Variants in CDH18 observed in about 807,000 individuals in gnomAD.
The protein encoded by CDH18 is cadherin-18.
Under a neutral mutation model 67.9 loss-of-function variants are expected in CDH18, and 31 were observed. The observed-to-expected ratio is 0.46, with a 90% CI of 0.34 to 0.62. CDH18 has a LOEUF of 0.62. Among genes scored for constraint, CDH18 ranks in the 20% least tolerant of loss-of-function variants. The pLI, the probability that CDH18 is intolerant of heterozygous loss-of-function variation, is 0.01. For synonymous variants in CDH18, 362 were observed against 347.2 expected (o/e 1.04, Z -0.48); for missense variants, 890 against 975.5 (o/e 0.91, Z 1.17).
intron 1 of CDH18, among the ~76,000 whole-genome samples, chr5:20,423,591 T>C (rs895174002): frequency 6.6e-6 from 1 of 150,838 alleles, no homozygotes; most frequent in African/African-American, 2.5e-5. Flanking sequence ...CGCAAAGAGA[T>C]GTGAAAAGAT....
At chr5:19,474,758 C>CATGT (rs1259876612) in intron 12 of CDH18, among the ~76,000 whole-genome samples, 1 of 152,060 alleles carries the variant, frequency 6.6e-6, no homozygotes, top group Non-Finnish European at 1.5e-5. Context: ...TCCAACTGGA[C>CATGT]ATGTGCCTTA....
intron 1 of CDH18, among the ~76,000 whole-genome samples, chr5:19,982,769 G>T (rs747297235): frequency 6.6e-6 from 1 of 152,070 alleles, no homozygotes; most frequent in Non-Finnish European, 1.5e-5. Flanking sequence ...TCGAGGCCAG[G>T]CACCATGGCT....
intron 2 of CDH18, among the ~76,000 whole-genome samples, chr5:20,199,667 G>A (rs906511008): frequency 1.3e-5 from 2 of 152,094 alleles, no homozygotes; most frequent in Admixed American, 6.6e-5. Flanking sequence ...ATTTGGGAGG[G>A]TCCAGAGGCA....
chr5:19,768,559 T>C (rs534670477), intron 3 of CDH18, among the ~76,000 whole-genome samples: 1 of 152,228 alleles, frequency 6.6e-6, no homozygotes, highest in Non-Finnish European at 1.5e-5. Context: ...TACCTCAACA[T>C]ATACAACGCT....
chr5:19,836,710 T>C (rs1561407163), intron 3 of CDH18, among the ~76,000 whole-genome samples: 1 of 152,180 alleles, frequency 6.6e-6, no homozygotes, highest in Non-Finnish European at 1.5e-5. Context: ...TTATTGCCAT[T>C]GCTTTTTGTG....
At chr5:19,941,799 A>T (rs1370548432) in intron 2 of CDH18, among the ~76,000 whole-genome samples, 1 of 152,056 alleles carries the variant, frequency 6.6e-6, no homozygotes, top group Admixed American at 6.6e-5. Flanking sequence ...AAAAAAAACA[A>T]AAAACAAAAA....
intron 1 of CDH18, among the ~76,000 whole-genome samples, chr5:20,295,520 A>G (rs890125159): frequency 6.6e-6 from 1 of 152,124 alleles, no homozygotes; most frequent in Non-Finnish European, 1.5e-5. Context: ...CGAGGTCAAG[A>G]GATCAAGACC....
intron 2 of CDH18, among the ~76,000 whole-genome samples, chr5:20,135,040 A>G (rs1245885165): frequency 1.3e-5 from 2 of 152,010 alleles, no homozygotes; most frequent in African/African-American, 4.8e-5. Flanking sequence ...TCCCCATGAG[A>G]GAGAAGAAAG....
chr5:20,439,098 C>A lies in CDH18; in HGVS notation c.-580+136364G>T, dbSNP rs528393196. On this transcript the variant is annotated intron_variant, in intron 1 of 14. Coordinates refer to the CDH18 transcript ENST00000507958. The stretch of plus-strand genomic sequence containing the variant: ...ACAATCACCTCTAAAGTGCTCACCT[C>A]CTGATTTTAGAAATATGTACATATT... 3.3e-5 allele frequency among the ~76,000 whole-genome samples: 5 copies of A among 151,560 alleles called. No individual in the cohort carries two copies. In the South Asian group the frequency reaches 1.0e-3, roughly 31 times the overall value.
intron 7 of CDH18, among the ~76,000 whole-genome samples, chr5:19,572,321 T>C (rs1197119340): frequency 6.6e-6 from 1 of 152,218 alleles, no homozygotes; most frequent in African/African-American, 2.4e-5. Flanking sequence ...TATCCACTGA[T>C]GCTGGTCTTC....
At chr5:20,051,629 G>A (rs1741423461) in intron 2 of CDH18, among the ~76,000 whole-genome samples, 1 of 151,878 alleles carries the variant, frequency 6.6e-6, no homozygotes, top group African/African-American at 2.4e-5. Context: ...GGGTAGTTGT[G>A]CTAGTCACCA....
chr5:20,501,569 A>ATATATATATATATTATATATATATATTAT, intron 1 of CDH18, among the ~76,000 whole-genome samples: 1 of 16,194 alleles, frequency 6.2e-5, no homozygotes, highest in African/African-American at 1.4e-4. Context: ...ATATATATAT[A>ATATATATATATATTATATATATATATTAT]ATATATATAT....
At chr5:19,840,125 G>T (rs558376413) in intron 2 of CDH18, among the ~76,000 whole-genome samples, 1 of 150,018 alleles carries the variant, frequency 6.7e-6, no homozygotes, top group African/African-American at 2.4e-5. Context: ...AAAATGAGCC[G>T]GGCTTGGTGG....
chr5:19,755,452 TATATATACACAC>T lies in CDH18; in HGVS notation c.229-8228_229-8217del, dbSNP rs1285025294. The stretch of plus-strand genomic sequence containing the variant: ...GTATGTATATATATATATATATATA[TATATATACACAC>T]ACACACACACATACATAGATATATA... On this transcript the variant is annotated intron_variant, in intron 3 of 12. Transcript: ENST00000382275. Among the ~76,000 whole-genome samples the T allele has an allele frequency of 1.0e-4, 2 of 19,988 alleles. 1 individual carries two copies. Among genetic ancestry groups the T allele is most frequent in the East Asian group, 7.2e-3 (2 of 276 alleles). The allele number at this position is 19,988 out of a possible 152,430, so 13.1% of individuals were successfully genotyped here. A position where few individuals can be genotyped will look rare whatever the true frequency, so the allele number is the denominator to read the frequency against.
intron 2 of CDH18, among the ~76,000 whole-genome samples, chr5:20,121,628 T>C (rs929485648): frequency 2.0e-5 from 3 of 152,124 alleles, no homozygotes; most frequent in Non-Finnish European, 4.4e-5. Flanking sequence ...GAAAATACTT[T>C]AAAAAACATG....
intron 1 of CDH18, among the ~76,000 whole-genome samples, chr5:20,491,312 A>C (rs1043398758): frequency 1.3e-5 from 2 of 152,044 alleles, no homozygotes; most frequent in African/African-American, 4.8e-5. Context: ...TGATATTTCC[A>C]CAAGAAAACC....
At chr5:20,533,656 C>A (rs1013018968) in intron 1 of CDH18, among the ~76,000 whole-genome samples, 3 of 152,058 alleles carry the variant, frequency 2.0e-5, no homozygotes, top group Admixed American at 6.6e-5. Flanking sequence ...GCACTATTTG[C>A]ATTTTCACAA....
At chr5:20,502,030 A>G (rs1754365117) in intron 1 of CDH18, among the ~76,000 whole-genome samples, 1 of 152,060 alleles carries the variant, frequency 6.6e-6, no homozygotes, top group Non-Finnish European at 1.5e-5. Context: ...AAAGAAGTAA[A>G]CAGTGTGTAT....
intron 2 of CDH18, chr5:19,878,063 G>A (rs947812462): frequency 2.0e-5 from 3 of 151,924 alleles, no homozygotes; most frequent in Non-Finnish European, 4.4e-5. Context: ...TAGAACCAAG[G>A]GTTCAATATG....
Sources: gnomAD v4.1 joint callset for allele counts (sites outside exome capture counted in the v4.1 genomes callset) on GRCh38, gnomAD v4.1.1 for gene constraint, MANE v1.5 for transcripts, NCBI Gene and HGNC (gene_info 2026-07-23, HGNC 2026-07-21) for gene names.